Variants in DMD observed in about 807,000 individuals in gnomAD.
The protein encoded by DMD is mutant dystrophin.
Under a neutral mutation model 330.1 loss-of-function variants are expected in DMD, and 63 were observed. That is an observed-to-expected ratio of 0.19 (90% CI 0.16 to 0.24). DMD has a LOEUF of 0.24. Ranked by LOEUF, DMD falls within the 10% of genes least tolerant of loss-of-function variation. DMD has a pLI of 1.00. For synonymous variants in DMD, 1,223 were observed against 959.8 expected (o/e 1.27, Z -5.07); for missense variants, 3,344 against 2,684.1 (o/e 1.25, Z -5.43).
chrX:32,086,545 TG>T (rs915523126), intron 44 of DMD, among the ~76,000 whole-genome samples: 29 of 110,526 alleles, frequency 2.6e-4, no homozygotes, highest in South Asian at 7.7e-4. Flanking sequence ...TGTTGTTGGG[TG>T]GGGGGGAAGA....
intron 30 of DMD, among the ~76,000 whole-genome samples, chrX:32,409,571 AT>A (rs1354241300): frequency 2.7e-5 from 3 of 111,593 alleles, no homozygotes; most frequent in Admixed American, 1.9e-4. Flanking sequence ...AAAAGCTCCA[AT>A]TTTCCTTGAA....
intron 43 of DMD, among the ~76,000 whole-genome samples, chrX:32,265,322 G>A (rs768860197): frequency 8.0e-5 from 9 of 112,875 alleles, no homozygotes; most frequent in Non-Finnish European, 1.3e-4. Flanking sequence ...TGTTGAGCCT[G>A]TGGGTACACA....
chrX:32,389,464 A>T lies in DMD; in HGVS notation c.4518+37T>A, dbSNP rs200290378. 1.7e-4 allele frequency: 201 copies of T among 1,193,986 alleles called. 1 individual carries two copies. In the African/African-American group the frequency reaches 3.1e-3, roughly 18 times the overall value. On this transcript the variant is annotated intron_variant, in intron 32 of 78. Transcript: ENST00000357033. Reference sequence around the variant, plus strand: ...CAGTTACTTCTTAATGAGGAAAGTCAAGGGGTACCTGCGTATTTGCCACCA... The same window carrying T: ...CAGTTACTTCTTAATGAGGAAAGTCTAGGGGTACCTGCGTATTTGCCACCA...
At chrX:32,615,634 A>C (rs187202164) in intron 11 of DMD, among the ~76,000 whole-genome samples, 107 of 111,618 alleles carry the variant, frequency 9.6e-4, no homozygotes, top group Non-Finnish European at 1.0e-3. Context: ...TTTACTCTAA[A>C]ATCTTTACTG....
At position 31,627,805 on chromosome X, in the gene DMD, G is replaced by T. The variant is rs1400319383; in HGVS notation, c.8085C>A (p.Pro2695=). 2 of 1,210,822 alleles carry T rather than the reference G, an allele frequency of 1.7e-6. No homozygotes were observed. Among genetic ancestry groups the T allele is most frequent in the Non-Finnish European group, 2.2e-6 (2 of 895,128 alleles). The change falls in exon 55 of 79, where the codon CCC becomes CCA. Residue 2695 remains proline, a synonymous_variant. Coordinates refer to ENST00000357033, the MANE Select transcript of DMD (RefSeq NM_004006.3). ...AGGCAAGAAACTTTTCCAGGTCCAG[G>T]GGGAACTGTTGCAGTAATCTATGAG... is the stretch of plus-strand genomic sequence containing the variant. ...EETHRLLQQF[P]LDLEKFLAWL... is the part of the protein sequence containing the mutation.
At chrX:32,034,859 A>G (rs1272424773) in intron 44 of DMD, among the ~76,000 whole-genome samples, 2 of 110,613 alleles carry the variant, frequency 1.8e-5, no homozygotes, top group Non-Finnish European at 3.8e-5. Flanking sequence ...TAAATAGAAC[A>G]TAAAATAAAT....
At chrX:32,001,409 T>C (rs1436253134) in intron 44 of DMD, among the ~76,000 whole-genome samples, 1 of 110,211 alleles carries the variant, frequency 9.1e-6, no homozygotes, top group African/African-American at 3.3e-5. Context: ...TTTAGAAATG[T>C]AGGATGCATC....
At chrX:32,957,722 G>A (rs2091672711) in intron 2 of DMD, among the ~76,000 whole-genome samples, 1 of 111,784 alleles carries the variant, frequency 8.9e-6, no homozygotes, top group African/African-American at 3.2e-5. Context: ...TAGAGCCAGG[G>A]CACAGCCTAA....
chrX:32,208,955 C>T (rs186411155), intron 44 of DMD, among the ~76,000 whole-genome samples: 16 of 111,524 alleles, frequency 1.4e-4, no homozygotes, highest in Admixed American at 1.3e-3. Context: ...AAAGCAAGGA[C>T]AAACTTGGGG....
intron 9 of DMD, among the ~76,000 whole-genome samples, chrX:32,657,856 A>T (rs956956447): frequency 9.8e-5 from 11 of 111,842 alleles, no homozygotes. Flanking sequence ...AAAAACACCA[A>T]GTCTTATTTA....
intron 4 of DMD, among the ~76,000 whole-genome samples, chrX:32,830,878 T>A (rs2079098263): frequency 9.0e-6 from 1 of 111,099 alleles, no homozygotes; most frequent in Non-Finnish European, 1.9e-5. Context: ...ATGTGAACTC[T>A]TTAGAAACAC....
At chrX:33,004,536 C>G (rs946371501) in intron 2 of DMD, among the ~76,000 whole-genome samples, 60 of 111,082 alleles carry the variant, frequency 5.4e-4, no homozygotes, top group African/African-American at 1.9e-3. Flanking sequence ...TGATAGTTTT[C>G]CCTAAGTTTT....
intron 71 of DMD, among the ~76,000 whole-genome samples, chrX:31,175,479 T>C (rs2040418069): frequency 9.0e-6 from 1 of 110,938 alleles, no homozygotes; most frequent in Non-Finnish European, 1.9e-5. Context: ...GAACTTACAA[T>C]AACCAGAAAT....
intron 30 of DMD, among the ~76,000 whole-genome samples, chrX:32,391,144 C>G (rs1339157845): frequency 9.0e-6 from 1 of 111,354 alleles, no homozygotes; most frequent in Non-Finnish European, 1.9e-5. Flanking sequence ...TTATTTCTGT[C>G]AAATCCATAC....
At chrX:32,241,521 T>A (rs936548337) in intron 43 of DMD, among the ~76,000 whole-genome samples, 3 of 112,205 alleles carry the variant, frequency 2.7e-5, no homozygotes, top group Non-Finnish European at 5.6e-5. Context: ...GAATACTGAG[T>A]TTGTCTCCAG....
intron 2 of DMD, among the ~76,000 whole-genome samples, chrX:33,010,304 ATG>A (rs1391895016): frequency 9.3e-6 from 1 of 107,989 alleles, no homozygotes; most frequent in South Asian, 3.8e-4. Flanking sequence ...ATATGTATAT[ATG>A]TACATATATG....
At position 32,378,425 on chromosome X, in the gene DMD, ATTAAGATACT is replaced by A. The variant is rs1231555644; in HGVS notation, c.4845+2075_4845+2084del. ...TGGAATTTAATATATATTAAATATA[ATTAAGATACT>A]TTAAGATAAAACTGATACTATTTAA... On this transcript the variant is annotated intron_variant, in intron 34 of 78. Coordinates refer to ENST00000357033, the MANE Select transcript of DMD (RefSeq NM_004006.3). Among the ~76,000 whole-genome samples, 125 of 110,022 alleles carry A rather than the reference ATTAAGATACT, an allele frequency of 1.1e-3. 1 individual carries two copies. Among genetic ancestry groups the A allele is most frequent in the African/African-American group, 3.9e-3 (120 of 30,588 alleles).
intron 2 of DMD, among the ~76,000 whole-genome samples, chrX:32,862,220 T>C (rs1011283862): frequency 2.0e-4 from 22 of 112,211 alleles, no homozygotes; most frequent in African/African-American, 7.1e-4. Flanking sequence ...AGAGCAAAGC[T>C]ACAAAATACA....
chrX:32,019,292 C>T (rs902786963), intron 44 of DMD, among the ~76,000 whole-genome samples: 11 of 110,914 alleles, frequency 9.9e-5, no homozygotes, highest in Non-Finnish European at 1.5e-4. Context: ...TATGTCACGA[C>T]GAATATATTT....
Sources: allele counts gnomAD v4.1 joint callset (sites outside exome capture counted in the v4.1 genomes callset), GRCh38; gene constraint gnomAD v4.1.1; transcripts MANE v1.5; gene names NCBI Gene and HGNC (gene_info 2026-07-23, HGNC 2026-07-21).